The following PRDM5 variants were observed in gnomAD, a reference collection of about 807,000 sequenced individuals.
PRDM5 encodes PR/SET domain 5.
A neutral mutation model predicts 81.2 loss-of-function variants in PRDM5; 56 were observed. The ratio of observed to expected loss-of-function variants is 0.69; its 90% CI spans 0.56 to 0.86. The LOEUF (loss-of-function observed/expected upper bound fraction) is 0.86, where lower values mean the gene tolerates loss of function less well. Among genes scored for constraint, PRDM5 ranks in the 40% least tolerant of loss-of-function variants. PRDM5 has a pLI of 0.00. For synonymous variants in PRDM5, 267 were observed against 256.4 expected (o/e 1.04, Z -0.39); for missense variants, 697 against 770.1 (o/e 0.91, Z 1.12).
chr4:120,907,522 T>C lies in PRDM5; in HGVS notation c.129A>G (p.Arg43=). Residue 43 remains arginine (R), a synonymous_variant, in exon 2 of 16, where the codon AGA becomes AGG. Transcript: ENST00000264808. ...TATTTTCATCCAAGTCTTCAGGCAT[T>C]CTCTTCTCTCCAGCAAAGGGTCCGA... is the stretch of plus-strand genomic sequence containing the variant. ...EKFGPFAGEK[R]MPEDLDENMD... 2 of 1,613,032 alleles carry C rather than the reference T, an allele frequency of 1.2e-6. No individual in the cohort carries two copies. Among genetic ancestry groups the C allele is most frequent in the South Asian group, 2.2e-5 (2 of 91,040 alleles).
At chr4:120,799,803 C>A in intron 8 of PRDM5, 58 bp from the exon 9 acceptor site, 1 of 1,584,968 alleles carries the variant, frequency 6.3e-7, no homozygotes, top group Non-Finnish European at 8.6e-7. Context: ...AATTACACAG[C>A]TCTCAAGCAA....
chr4:120,894,564 T>C (rs1307986884), intron 2 of PRDM5, among the ~76,000 whole-genome samples: 1 of 152,220 alleles, frequency 6.6e-6, no homozygotes, highest in Non-Finnish European at 1.5e-5. Flanking sequence ...TACTTATAAA[T>C]GAAATTTGGA....
chr4:120,828,996 T>C (rs1407951750), intron 3 of PRDM5, among the ~76,000 whole-genome samples: 1 of 152,180 alleles, frequency 6.6e-6, no homozygotes, highest in East Asian at 1.9e-4. Flanking sequence ...AACTCATCTT[T>C]AGGGGAGTCT....
chr4:120,873,774 GCCTTT>G (rs1561563360), intron 2 of PRDM5, among the ~76,000 whole-genome samples: 1 of 152,106 alleles, frequency 6.6e-6, no homozygotes, highest in African/African-American at 2.4e-5. Flanking sequence ...GGCTTCATTT[GCCTTT>G]ATTTGCCATG....
At chr4:120,699,443 C>T (rs1462899090) in intron 15 of PRDM5, among the ~76,000 whole-genome samples, 1 of 151,914 alleles carries the variant, frequency 6.6e-6, no homozygotes, top group African/African-American at 2.4e-5. Flanking sequence ...ATTCTTATCT[C>T]TGTTAGCCCA....
intron 2 of PRDM5, among the ~76,000 whole-genome samples, chr4:120,875,608 A>T (rs1762263215): frequency 1.3e-5 from 2 of 152,244 alleles, no homozygotes; most frequent in African/African-American, 4.8e-5. Flanking sequence ...GAGAAAAAAC[A>T]AGCCAAAGCT....
intron 14 of PRDM5, among the ~76,000 whole-genome samples, chr4:120,725,002 A>G (rs1377245866): frequency 6.6e-6 from 1 of 152,230 alleles, no homozygotes; most frequent in Non-Finnish European, 1.5e-5. Flanking sequence ...TTATTTGCAC[A>G]GGTGAGGATT....
chr4:120,780,153 T>C (rs1025399094), intron 12 of PRDM5, among the ~76,000 whole-genome samples: 14 of 152,244 alleles, frequency 9.2e-5, no homozygotes, highest in African/African-American at 3.4e-4. Context: ...TACTTCATGG[T>C]TACTTCTAAA....
At chr4:120,733,351 C>T (rs1053978524) in intron 14 of PRDM5, among the ~76,000 whole-genome samples, 6 of 152,192 alleles carry the variant, frequency 3.9e-5, no homozygotes, top group African/African-American at 7.2e-5. Flanking sequence ...TTCTCAACAA[C>T]GCACACCTTG....
At chr4:120,826,684 G>C (rs750616523) in intron 3 of PRDM5, among the ~76,000 whole-genome samples, 1 of 152,140 alleles carries the variant, frequency 6.6e-6, no homozygotes, top group Non-Finnish European at 1.5e-5. Flanking sequence ...ACAGCTGGGA[G>C]GCTATTAAAC....
chr4:120,883,000 C>T (rs1051051540), intron 2 of PRDM5, among the ~76,000 whole-genome samples: 3 of 152,036 alleles, frequency 2.0e-5, no homozygotes, highest in Non-Finnish European at 4.4e-5. Context: ...AAATTCAGTC[C>T]CCTGTAGTAC....
intron 13 of PRDM5, among the ~76,000 whole-genome samples, chr4:120,770,770 T>G (rs947340168): frequency 6.6e-6 from 1 of 152,298 alleles, no homozygotes; most frequent in Non-Finnish European, 1.5e-5. Flanking sequence ...GTTTCACACC[T>G]AAGTATTTTA....
At chr4:120,804,887 C>T (rs137896768) in intron 8 of PRDM5, among the ~76,000 whole-genome samples, 14,770 of 152,090 alleles carry the variant, frequency 0.097, 956 homozygotes, top group Non-Finnish European at 0.14. Flanking sequence ...ACAAAAAACC[C>T]TTCAAAAAAT....
intron 9 of PRDM5, among the ~76,000 whole-genome samples, chr4:120,798,695 A>T (rs1751686755): frequency 6.6e-6 from 1 of 152,210 alleles, no homozygotes; most frequent in Admixed American, 6.5e-5. Flanking sequence ...TCCTATTTCC[A>T]GATGAAAACC....
At chr4:120,732,793 TG>T (rs1351696662) in intron 14 of PRDM5, among the ~76,000 whole-genome samples, 1 of 152,232 alleles carries the variant, frequency 6.6e-6, no homozygotes, top group African/African-American at 2.4e-5. Flanking sequence ...GAAATATTCC[TG>T]CTATAACTAG....
intron 14 of PRDM5, chr4:120,731,564 C>A (rs555601109): frequency 6.6e-6 from 1 of 152,164 alleles, no homozygotes; most frequent in South Asian, 2.1e-4. Context: ...GAAAGTAATT[C>A]TATTTAGTGT....
chr4:120,705,778 T>C (rs1467257952), intron 15 of PRDM5, among the ~76,000 whole-genome samples: 1 of 152,200 alleles, frequency 6.6e-6, no homozygotes, highest in Admixed American at 6.5e-5. Context: ...TGCATGAGAC[T>C]GTTGGGAGCA....
chr4:120,747,291 G>C (rs1047897036), intron 14 of PRDM5, among the ~76,000 whole-genome samples: 11 of 110,420 alleles, frequency 1.0e-4, no homozygotes, highest in African/African-American at 3.1e-4. Flanking sequence ...TTGTGGGGTG[G>C]GGGGAGGGGG....
At chr4:120,835,515 TCTGTGCTGTTC>T (rs1284810311) in intron 3 of PRDM5, among the ~76,000 whole-genome samples, 2 of 152,178 alleles carry the variant, frequency 1.3e-5, no homozygotes, top group Non-Finnish European at 2.9e-5. Flanking sequence ...GCAGGTCTTT[TCTGTGCTGTTC>T]CTGTGATAGT....
Sources: gnomAD v4.1 joint callset for allele counts (sites outside exome capture counted in the v4.1 genomes callset) on GRCh38, gnomAD v4.1.1 for gene constraint, MANE v1.5 for transcripts, NCBI Gene and HGNC (gene_info 2026-07-23, HGNC 2026-07-21) for gene names.